NKAIN1: variants seen among roughly 807,000 people sequenced by gnomAD.
NKAIN1 encodes the protein sodium/potassium-transporting ATPase subunit beta-1-interacting protein 1.
NKAIN1 carries 13 observed loss-of-function variants against 31.6 expected under a neutral mutation model. That is an observed-to-expected ratio of 0.41 (90% CI 0.27 to 0.65). NKAIN1 has a LOEUF of 0.65. NKAIN1 is among the 30% of genes least tolerant of loss of function. NKAIN1 has a pLI of 0.30. For missense variants in NKAIN1, 193 were observed against 262.2 expected (o/e 0.74, Z 1.82); for synonymous variants, 104 against 109.0 (o/e 0.95, Z 0.28).
intron 1 of NKAIN1, among the ~76,000 whole-genome samples, chr1:31,234,323 T>C (rs1405982683): frequency 6.6e-6 from 1 of 151,934 alleles, no homozygotes; most frequent in Non-Finnish European, 1.5e-5. Context: ...TGCTCCAGAG[T>C]GCAGGCCCCT....
intron 1 of NKAIN1, among the ~76,000 whole-genome samples, chr1:31,194,353 CCT>C (rs1168736068): frequency 3.0e-4 from 18 of 60,214 alleles, no homozygotes; most frequent in Non-Finnish European, 6.9e-4. Flanking sequence ...CTTTCTTTTT[CCT>C]TTTTCTTTCC....
intron 1 of NKAIN1, among the ~76,000 whole-genome samples, chr1:31,218,872 C>T (rs1005438936): frequency 6.6e-6 from 1 of 152,188 alleles, no homozygotes; most frequent in African/African-American, 2.4e-5. Flanking sequence ...TGACAGCTAG[C>T]GGCAGCCTGG....
chr1:31,179,853 C>A lies in NKAIN1; in HGVS notation c.*1850G>T, dbSNP rs1645184252. On this transcript the variant is annotated 3_prime_UTR_variant, in exon 7 of 7. Coordinates refer to ENST00000373736, the MANE Select transcript of NKAIN1 (RefSeq NM_024522.3). Reference sequence around the variant, plus strand: ...AGAGAACCTGGTCCCCTTGCAAAAACCATCTTATAAAAACAAAAGGCTTCA... The same window carrying A: ...AGAGAACCTGGTCCCCTTGCAAAAAACATCTTATAAAAACAAAAGGCTTCA... 1 of 152,300 alleles carries A rather than the reference C, an allele frequency of 6.6e-6. No homozygotes were observed. Among genetic ancestry groups the A allele is most frequent in the Admixed American group, 6.5e-5 (1 of 15,274 alleles). 9.4% of individuals were successfully genotyped at this position (152,300 alleles called of 1,614,324 possible).
intron 1 of NKAIN1, among the ~76,000 whole-genome samples, chr1:31,203,575 C>T (rs2148356413): frequency 6.8e-6 from 1 of 146,010 alleles, no homozygotes; most frequent in Non-Finnish European, 1.5e-5. Flanking sequence ...AAGGTTTTTA[C>T]ATCGAGGAGT....
intron 1 of NKAIN1, among the ~76,000 whole-genome samples, chr1:31,211,228 G>A (rs113632433): frequency 6.6e-6 from 1 of 152,186 alleles, no homozygotes; most frequent in Admixed American, 6.5e-5. Context: ...TTTGCTAATT[G>A]CAGATTACAT....
At chr1:31,183,374 C>T (rs1557648250) in intron 4 of NKAIN1, among the ~76,000 whole-genome samples, 2 of 146,258 alleles carry the variant, frequency 1.4e-5, no homozygotes, top group South Asian at 2.2e-4. Flanking sequence ...GAAGACGGTA[C>T]AGGATATGGA....
intron 1 of NKAIN1, among the ~76,000 whole-genome samples, chr1:31,206,724 A>G (rs980586190): frequency 2.6e-5 from 4 of 151,282 alleles, no homozygotes; most frequent in African/African-American, 9.7e-5. Flanking sequence ...GGTGTGAGCC[A>G]CTGCACCTGG....
At chr1:31,213,945 G>A (rs1645489752) in intron 1 of NKAIN1, among the ~76,000 whole-genome samples, 1 of 150,718 alleles carries the variant, frequency 6.6e-6, no homozygotes, top group South Asian at 2.1e-4. Context: ...AGTAAGCTGT[G>A]ATCACATCAC....
chr1:31,192,652 G>A (rs1199122495), intron 1 of NKAIN1, among the ~76,000 whole-genome samples: 6 of 151,760 alleles, frequency 4.0e-5, no homozygotes, highest in South Asian at 2.1e-4. Context: ...CGGGGTTCAC[G>A]CCATTCTCCT....
At position 31,183,904 on chromosome 1, in the gene NKAIN1, C is replaced by T. The variant is rs557226213; in HGVS notation, c.384G>A (p.Glu128=). 6.2e-7 allele frequency: 1 copy of T among 1,613,994 alleles called. No individual in the cohort carries two copies. The highest frequency in any genetic ancestry group is 8.5e-7 in the Non-Finnish European group (1 of 1,180,046). Residue 128 remains glutamate (E), a synonymous_variant, in exon 4 of 7, where the codon GAG becomes GAA. Transcript: ENST00000373736. ...CAGTGACAGAGATGACATGGTGGTC[C>T]TCCAGAGCCAGGCGGGAGTTCAGAA... is the stretch of plus-strand genomic sequence containing the variant. ...TPVLNSRLAL[E]DHHVISVTGC...
rs1276296304 is a variant in NKAIN1 at position 31,233,585 on chromosome 1, G to A, written c.54+5909C>T. On this transcript the variant is annotated intron_variant, in intron 1 of 6. Coordinates refer to ENST00000373736, the MANE Select transcript of NKAIN1 (RefSeq NM_024522.3). The surrounding 1 kb of genome is among the most constrained non-coding windows in gnomAD (Gnocchi z 4.0). ...GCTCATAGCAGACACCAAACAAAAA[G>A]AAATTCTCATTATGTTAATTTCCCA... Among the ~76,000 whole-genome samples the A allele has an allele frequency of 1.3e-5, 2 of 152,122 alleles. No individual in the cohort carries two copies. The highest frequency in any genetic ancestry group is 4.8e-5 in the African/African-American group (2 of 41,424).
intron 1 of NKAIN1, among the ~76,000 whole-genome samples, chr1:31,232,381 G>A (rs577213992): frequency 3.9e-5 from 4 of 103,362 alleles, no homozygotes; most frequent in East Asian, 3.1e-4. Flanking sequence ...ATGAGCCACC[G>A]TGTCTGGCCT....
intron 1 of NKAIN1, among the ~76,000 whole-genome samples, chr1:31,192,587 G>A (rs1004497069): frequency 3.3e-5 from 5 of 151,328 alleles, no homozygotes; most frequent in African/African-American, 1.2e-4. Flanking sequence ...GTCTCGCTCT[G>A]TCGCCCAGGC....
At chr1:31,214,031 T>G (rs1325769144) in intron 1 of NKAIN1, among the ~76,000 whole-genome samples, 1 of 147,216 alleles carries the variant, frequency 6.8e-6, no homozygotes, top group African/African-American at 2.5e-5. Flanking sequence ...AATTAATTAA[T>G]TAATTAATTA....
intron 4 of NKAIN1, among the ~76,000 whole-genome samples, chr1:31,183,436 C>CTTTTTTTTTTTTTTTTT (rs3046278): frequency 2.1e-4 from 22 of 106,684 alleles, no homozygotes; most frequent in African/African-American, 1.2e-3. Context: ...TTCATTCCCT[C>CTTTTTTTTTTTTTTTTT]TTTTTTTTTT....
intron 4 of NKAIN1, among the ~76,000 whole-genome samples, chr1:31,183,444 T>TTTTTTTTTTTTTTTTTTTG (rs1645218631): frequency 3.4e-5 from 1 of 29,184 alleles, no homozygotes; most frequent in African/African-American, 5.3e-5. Context: ...CTCTTTTTTT[T>TTTTTTTTTTTTTTTTTTTG]TTTTTTTTTT....
chr1:31,225,972 A>G (rs1016674506), intron 1 of NKAIN1, among the ~76,000 whole-genome samples: 11 of 152,186 alleles, frequency 7.2e-5, no homozygotes, highest in Non-Finnish European at 1.0e-4. Flanking sequence ...CACTCAACTT[A>G]TGCTTCTTGA....
chr1:31,215,025 C>T (rs1034007261), intron 1 of NKAIN1, among the ~76,000 whole-genome samples: 2 of 152,306 alleles, frequency 1.3e-5, no homozygotes, highest in South Asian at 4.1e-4. Flanking sequence ...CTGGAAGGAG[C>T]CCGGAGGTCA....
intron 1 of NKAIN1, among the ~76,000 whole-genome samples, chr1:31,215,367 T>C (rs1261873901): frequency 6.6e-6 from 1 of 152,192 alleles, no homozygotes; most frequent in Non-Finnish European, 1.5e-5. Flanking sequence ...CCCGCTTCTC[T>C]TTCCAGTGGA....
Sources: allele counts gnomAD v4.1 joint callset (sites outside exome capture counted in the v4.1 genomes callset), GRCh38; gene constraint gnomAD v4.1.1; non-coding constraint Gnocchi (gnomAD v3.1); transcripts MANE v1.5; gene names NCBI Gene and HGNC (gene_info 2026-07-23, HGNC 2026-07-21).